The following SUPT3H variants were observed in gnomAD, a reference collection of about 807,000 sequenced individuals.
SUPT3H encodes the protein transcription initiation protein SPT3 homolog.
A neutral mutation model predicts 44.3 loss-of-function variants in SUPT3H; 44 were observed. The observed-to-expected ratio is 0.99, with a 90% CI of 0.78 to 1.28. The LOEUF is 1.28. Ranked by LOEUF, SUPT3H falls within the 50% of genes most tolerant of loss-of-function variation. The pLI is 0.00. For synonymous variants in SUPT3H, 124 were observed against 125.6 expected (o/e 0.99, Z 0.09); for missense variants, 380 against 387.1 (o/e 0.98, Z 0.15).
intron 2 of SUPT3H, among the ~76,000 whole-genome samples, chr6:45,169,388 A>C (rs1018055688): frequency 1.3e-5 from 2 of 152,196 alleles, no homozygotes; most frequent in African/African-American, 4.8e-5. Flanking sequence ...ATTTATACTT[A>C]AAATTGTAAA....
At chr6:44,878,171 G>A (rs1439899876) in intron 10 of SUPT3H, among the ~76,000 whole-genome samples, 1 of 152,174 alleles carries the variant, frequency 6.6e-6, no homozygotes, top group African/African-American at 2.4e-5. Context: ...AATTAGGTAT[G>A]ATCCTAAATA....
rs565631307 is a variant in SUPT3H, at chr6:45,298,118, A to G, written c.101+67083T>C. 3.0e-4 allele frequency among the ~76,000 whole-genome samples: 45 copies of G among 152,314 alleles called. No individual in the cohort carries two copies. The South Asian group carries it at 4.4e-3, about 15-fold the overall frequency. ...ATCTCTTTTCCACAAGGCTACACTG[A>G]GAAGTTTTATGAAGAGTTAGGACTT... On this transcript the variant is annotated intron_variant, in intron 2 of 10. Coordinates refer to ENST00000371459, the MANE Select transcript of SUPT3H (RefSeq NM_003599.4).
At position 44,954,154 on chromosome 6, in the gene SUPT3H, C is replaced by T. The variant is rs73735269; in HGVS notation, c.693+341G>A. On this transcript the variant is annotated intron_variant, in intron 8 of 10. Transcript: ENST00000371459. ...CAGACCCAGAATTTGGTAAGTACTC[C>T]TAAATTCTCACATACGTAGAAAGGT... 8.6e-3 allele frequency among the ~76,000 whole-genome samples: 1,316 copies of T among 152,232 alleles called. 24 individuals are homozygous for T. The highest frequency in any genetic ancestry group is 0.03 in the African/African-American group (1,239 of 41,530).
At chr6:45,065,167 C>T (rs977534896) in intron 3 of SUPT3H, among the ~76,000 whole-genome samples, 11 of 151,710 alleles carry the variant, frequency 7.3e-5, no homozygotes, top group African/African-American at 1.7e-4. Flanking sequence ...CACTCAAAGC[C>T]GCTCAACTAT....
chr6:45,151,993 C>T (rs1473323756), intron 2 of SUPT3H, among the ~76,000 whole-genome samples: 1 of 152,128 alleles, frequency 6.6e-6, no homozygotes, highest in Admixed American at 6.5e-5. Flanking sequence ...AGATCAACTT[C>T]TCTTCTATAT....
chr6:45,336,346 T>G (rs1360285613), intron 2 of SUPT3H, among the ~76,000 whole-genome samples: 1 of 151,386 alleles, frequency 6.6e-6, no homozygotes, highest in East Asian at 1.9e-4. Flanking sequence ...TGCAGAATAT[T>G]TTTGTACACC....
At chr6:45,261,533 C>G (rs1036388334) in intron 2 of SUPT3H, among the ~76,000 whole-genome samples, 1 of 151,890 alleles carries the variant, frequency 6.6e-6, no homozygotes, top group Non-Finnish European at 1.5e-5. Flanking sequence ...ATTCAACATC[C>G]CTTCATGTTA....
chr6:45,288,190 A>G (rs1391826624), intron 2 of SUPT3H, among the ~76,000 whole-genome samples: 1 of 152,100 alleles, frequency 6.6e-6, no homozygotes, highest in African/African-American at 2.4e-5. Context: ...TCACAATATG[A>G]TATCAAATCC....
At chr6:45,345,538 A>G (rs957975261) in intron 2 of SUPT3H, among the ~76,000 whole-genome samples, 1 of 152,176 alleles carries the variant, frequency 6.6e-6, no homozygotes, top group African/African-American at 2.4e-5. Flanking sequence ...CTAGTCCTCT[A>G]AGATAGAAAC....
chr6:45,160,873 T>C (rs1014051836), intron 2 of SUPT3H, among the ~76,000 whole-genome samples: 7 of 152,152 alleles, frequency 4.6e-5, no homozygotes, highest in Admixed American at 2.6e-4. Flanking sequence ...AAACAGGTAA[T>C]TGATAAGTTT....
intron 10 of SUPT3H, among the ~76,000 whole-genome samples, chr6:44,908,478 C>A (rs1019287050): frequency 6.6e-6 from 1 of 152,108 alleles, no homozygotes; most frequent in African/African-American, 2.4e-5. Context: ...AAGCTAGACA[C>A]TGGGCACTGA....
intron 10 of SUPT3H, among the ~76,000 whole-genome samples, chr6:44,849,337 C>T (rs1439979866): frequency 6.7e-6 from 1 of 148,152 alleles, no homozygotes; most frequent in Non-Finnish European, 1.5e-5. Context: ...CGCCATTCTC[C>T]TGCCTCAGCC....
chr6:44,837,453 C>T (rs77181048), intron 10 of SUPT3H, among the ~76,000 whole-genome samples: 3,394 of 152,284 alleles, frequency 0.022, 129 homozygotes, highest in African/African-American at 0.077. Context: ...AGAGCAGGGG[C>T]TGGATAGTCT....
chr6:45,271,196 G>C (rs1776086989), intron 2 of SUPT3H, among the ~76,000 whole-genome samples: 1 of 152,200 alleles, frequency 6.6e-6, no homozygotes, highest in African/African-American at 2.4e-5. Context: ...ATTCAAGCCA[G>C]CTGCAGAAAT....
intron 2 of SUPT3H, among the ~76,000 whole-genome samples, chr6:45,199,421 TA>T (rs574728781): frequency 1.3e-5 from 2 of 150,162 alleles, no homozygotes; most frequent in Admixed American, 6.6e-5. Flanking sequence ...AGTAATTTTA[TA>T]AAAAAAAGTA....
intron 10 of SUPT3H, among the ~76,000 whole-genome samples, chr6:44,840,396 CT>C (rs1262538429): frequency 2.0e-5 from 3 of 152,138 alleles, no homozygotes; most frequent in Non-Finnish European, 4.4e-5. Flanking sequence ...CAGCCAGTCT[CT>C]TGTTCAGCAG....
chr6:44,932,858 C>T (rs574561136), intron 9 of SUPT3H, 95 bp from the exon 10 acceptor site: 21 of 716,578 alleles, frequency 2.9e-5, no homozygotes, highest in Admixed American at 7.9e-5. Flanking sequence ...CAAAAGAGAC[C>T]GGTTTTTCCC....
intron 6 of SUPT3H, among the ~76,000 whole-genome samples, chr6:44,996,580 T>C (rs1274242546): frequency 6.6e-6 from 1 of 151,834 alleles, no homozygotes; most frequent in Admixed American, 6.6e-5. Context: ...TCACAAAATT[T>C]AGCATACAAA....
intron 2 of SUPT3H, among the ~76,000 whole-genome samples, chr6:45,127,400 G>T (rs933598186): frequency 6.6e-6 from 1 of 151,912 alleles, no homozygotes; most frequent in Admixed American, 6.5e-5. Flanking sequence ...CACTTCCCAG[G>T]CACCTGACAT....
Sources: gnomAD v4.1 joint callset for allele counts (sites outside exome capture counted in the v4.1 genomes callset) on GRCh38, gnomAD v4.1.1 for gene constraint, MANE v1.5 for transcripts, NCBI Gene and HGNC (gene_info 2026-07-23, HGNC 2026-07-21) for gene names.